The following SYT13 variants were observed in gnomAD, a reference collection of about 807,000 sequenced individuals.
SYT13 encodes the protein synaptotagmin 13.
In SYT13, 21 loss-of-function variants were observed where a neutral mutation model predicts 38.6. The observed-to-expected ratio is 0.54, with a 90% CI of 0.39 to 0.78. The LOEUF (loss-of-function observed/expected upper bound fraction) is 0.78, where lower values mean the gene tolerates loss of function less well. Ranked by LOEUF, SYT13 falls within the 30% of genes least tolerant of loss-of-function variation. The probability of loss-of-function intolerance (pLI) is 0.00; values close to 1 mark genes in which losing one functional copy is unlikely to be tolerated. For missense variants in SYT13, 495 were observed against 548.7 expected (o/e 0.90, Z 0.98); for synonymous variants, 241 against 237.6 (o/e 1.01, Z -0.13).
intron 4 of SYT13, among the ~76,000 whole-genome samples, chr11:45,247,670 G>A (rs1420164657): frequency 6.6e-6 from 1 of 152,174 alleles, no homozygotes; most frequent in African/African-American, 2.4e-5. Context: ...CAGGCACTCA[G>A]AAGGGTTGAA....
intron 5 of SYT13, among the ~76,000 whole-genome samples, chr11:45,245,305 G>T (rs1435514573): frequency 1.3e-5 from 2 of 152,164 alleles, no homozygotes; most frequent in Middle Eastern, 3.2e-3. Context: ...TTGTTACTTT[G>T]TATTTATTGC....
chr11:45,246,254 G>A (rs1428407861), intron 5 of SYT13, 129 bp downstream of exon 5: 2 of 1,324,314 alleles, frequency 1.5e-6, no homozygotes, highest in East Asian at 4.9e-5. Flanking sequence ...CGCTGAGCAT[G>A]GCTCCGTAGA....
chr11:45,255,706 C>T lies in SYT13; in HGVS notation c.369G>A (p.Lys123=). The T allele has an allele frequency of 6.2e-7, 1 of 1,614,128 alleles. No individual in the cohort carries two copies. The highest frequency in any genetic ancestry group is 8.5e-7 in the Non-Finnish European group (1 of 1,180,024). Residue 123 remains lysine, a synonymous_variant, in exon 2 of 6, where the codon AAG becomes AAA. Transcript: ENST00000020926. ...TGAACAGCTCCTCTGTGACCTGCCT[C>T]TTGAGGCGACTGTCATTCGGGGGTT... ...SPQPPNDSRL[K]RQVTEELFIL...
chr11:45,251,571 G>A (rs1437927105), intron 4 of SYT13, among the ~76,000 whole-genome samples: 1 of 152,082 alleles, frequency 6.6e-6, no homozygotes, highest in Non-Finnish European at 1.5e-5. Flanking sequence ...TAGTCACCCA[G>A]AAGGTTTCCT....
chr11:45,273,301 T>C (rs946415640), intron 1 of SYT13, among the ~76,000 whole-genome samples: 1 of 152,086 alleles, frequency 6.6e-6, no homozygotes, highest in East Asian at 1.9e-4. Flanking sequence ...GCTGAGGATG[T>C]AGCCAGCCCC....
rs1368989740 is a variant in SYT13 at position 45,286,240 on chromosome 11, C to A, written c.-33G>T. Reference sequence around the variant, plus strand: ...GCTCCCGGCGAGGGGCTGGGTCCCGCAGCCGCTCACCTTCCCCGGGCCGGG... The same window carrying A: ...GCTCCCGGCGAGGGGCTGGGTCCCGAAGCCGCTCACCTTCCCCGGGCCGGG... On this transcript the variant is annotated 5_prime_UTR_variant, in exon 1 of 6. Coordinates refer to ENST00000020926, the MANE Select transcript of SYT13 (RefSeq NM_020826.3). 6.7e-7 allele frequency: 1 copy of A among 1,503,092 alleles called. No individual in the cohort carries two copies. Among genetic ancestry groups the A allele is most frequent in the South Asian group, 1.3e-5 (1 of 78,238 alleles). The allele number at this position is 1,503,092 out of a possible 1,614,324, so 93.1% of individuals were successfully genotyped here.
intron 1 of SYT13, among the ~76,000 whole-genome samples, chr11:45,284,014 A>T (rs113435092): frequency 5.9e-5 from 9 of 152,220 alleles, no homozygotes; most frequent in African/African-American, 2.2e-4. Context: ...AGTAGGCAAA[A>T]TCCTCCCTGA....
chr11:45,274,294 T>A (rs1255250015), intron 1 of SYT13, among the ~76,000 whole-genome samples: 2 of 152,226 alleles, frequency 1.3e-5, no homozygotes, highest in African/African-American at 4.8e-5. Flanking sequence ...CATTCCTTTC[T>A]GTTCTTTGTC....
In SYT13 at chr11:45,240,866, C is replaced by T. The variant is rs1854541939; in HGVS notation, c.*3186G>A. On this transcript the variant is annotated 3_prime_UTR_variant, in exon 6 of 6. Transcript: ENST00000020926. ...TTTTTAGAAATGCTCACTGGCATCA[C>T]ACAAGGTGTTCCTTTCGAAAATGAT... The T allele has an allele frequency of 6.6e-6, 1 of 152,260 alleles. No individual in the cohort carries two copies. Among genetic ancestry groups the T allele is most frequent in the Non-Finnish European group, 1.5e-5 (1 of 68,056 alleles). 9.4% of individuals were successfully genotyped at this position (152,260 alleles called of 1,614,324 possible).
chr11:45,253,455 A>G (rs1473248197), intron 3 of SYT13, among the ~76,000 whole-genome samples: 3 of 152,220 alleles, frequency 2.0e-5, no homozygotes, highest in African/African-American at 7.2e-5. Context: ...AAGACCAAAC[A>G]TAATAAAGTA....
At position 45,244,294 on chromosome 11, in the gene SYT13, G is replaced by GTAA; in HGVS notation, c.1038_1039insTTA (p.Lys346_Arg347insLeu). ...ACGGGGTTGATCTTGTGCTTAGCTC[G>GTAA]TTTAGTCTGCTTCTTCTTCAGCTTC... On this transcript the variant is annotated inframe_insertion, in exon 6 of 6. Coordinates refer to ENST00000020926, the MANE Select transcript of SYT13 (RefSeq NM_020826.3). 6.2e-7 allele frequency: 1 copy of GTAA among 1,614,006 alleles called. No homozygotes were observed. The highest frequency in any genetic ancestry group is 1.1e-5 in the South Asian group (1 of 91,076).
chr11:45,269,491 T>A (rs1390646683), intron 1 of SYT13: 1 of 1,286,924 alleles, frequency 7.8e-7, no homozygotes, highest in Non-Finnish European at 1.0e-6. Flanking sequence ...TCTGTAAACT[T>A]CATATGTAAC....
chr11:45,265,129 C>A (rs905484702), intron 1 of SYT13, among the ~76,000 whole-genome samples: 1 of 152,186 alleles, frequency 6.6e-6, no homozygotes, highest in Admixed American at 6.5e-5. Flanking sequence ...TCCATTGGGG[C>A]ATATTCTTAC....
intron 1 of SYT13, among the ~76,000 whole-genome samples, chr11:45,271,416 T>TGAGA (rs146289763): frequency 6.6e-6 from 1 of 150,590 alleles, no homozygotes; most frequent in Non-Finnish European, 1.5e-5. Flanking sequence ...TGATTAACAA[T>TGAGA]GAGAGAGAGA....
At position 45,244,310 on chromosome 11, in the gene SYT13, C is replaced by T; in HGVS notation, c.1023G>A (p.Lys341=). 6.2e-7 allele frequency: 1 copy of T among 1,614,010 alleles called. No homozygotes were observed. Among genetic ancestry groups the T allele is most frequent in the South Asian group, 1.1e-5 (1 of 91,074 alleles). ...VTLKHQARKL[K]KKQTKRAKHK... is the part of the protein sequence containing the mutation. The stretch of plus-strand genomic sequence containing the variant: ...GCTTAGCTCGTTTAGTCTGCTTCTT[C>T]TTCAGCTTCCGAGCCTGGTGCTTCA... Residue 341 remains lysine (K), a synonymous_variant, in exon 6 of 6, where the codon AAG becomes AAA. Transcript: ENST00000020926.
chr11:45,258,002 TA>T (rs1241765087), intron 1 of SYT13, among the ~76,000 whole-genome samples: 1 of 152,210 alleles, frequency 6.6e-6, no homozygotes, highest in African/African-American at 2.4e-5. Context: ...CAGTAGATTA[TA>T]AGGTAACCCA....
chr11:45,280,317 C>T (rs767372662), intron 1 of SYT13, among the ~76,000 whole-genome samples: 45 of 151,732 alleles, frequency 3.0e-4, no homozygotes, highest in Admixed American at 1.7e-3. Flanking sequence ...AGGAGGTGGC[C>T]ATGGGAGAAA....
intron 1 of SYT13, among the ~76,000 whole-genome samples, chr11:45,280,965 TG>T (rs1565399160): frequency 2.0e-5 from 3 of 152,204 alleles, no homozygotes; most frequent in African/African-American, 7.2e-5. Context: ...GAGACCGAGA[TG>T]GGCGGATCAC....
At chr11:45,273,968 T>A (rs1854980313) in intron 1 of SYT13, among the ~76,000 whole-genome samples, 1 of 152,224 alleles carries the variant, frequency 6.6e-6, no homozygotes, top group Admixed American at 6.5e-5. Flanking sequence ...TGTCATCTCA[T>A]TCATTCTTCC....
Sources: gnomAD v4.1 joint callset for allele counts (sites outside exome capture counted in the v4.1 genomes callset) on GRCh38, gnomAD v4.1.1 for gene constraint, MANE v1.5 for transcripts, NCBI Gene and HGNC (gene_info 2026-07-23, HGNC 2026-07-21) for gene names.